The following GPR158 variants were observed in gnomAD, a reference collection of about 807,000 sequenced individuals.
GPR158 encodes the protein metabotropic glycine receptor.
Under a neutral mutation model 78.2 loss-of-function variants are expected in GPR158, and 30 were observed. The ratio of observed to expected loss-of-function variants is 0.38; its 90% confidence interval spans 0.29 to 0.52. The LOEUF (loss-of-function observed/expected upper bound fraction) is 0.52, where lower values mean the gene tolerates loss of function less well. Ranked by LOEUF, GPR158 falls within the 20% of genes least tolerant of loss-of-function variation. The probability of loss-of-function intolerance (pLI) is 0.83; values close to 1 mark genes in which losing one functional copy is unlikely to be tolerated. For synonymous variants in GPR158, 581 were observed against 591.1 expected (o/e 0.98, Z 0.25); for missense variants, 1,463 against 1,523.5 (o/e 0.96, Z 0.66).
chr10:25,418,556 G>C (rs1293825455), intron 4 of GPR158, among the ~76,000 whole-genome samples: 2 of 151,602 alleles, frequency 1.3e-5, no homozygotes, highest in Non-Finnish European at 2.9e-5. Context: ...ATTTTAAAGA[G>C]CCTGAATATT....
chr10:25,376,180 G>A (rs2130558300), intron 2 of GPR158, among the ~76,000 whole-genome samples: 1 of 151,586 alleles, frequency 6.6e-6, no homozygotes, highest in Non-Finnish European at 1.5e-5. Flanking sequence ...ATTATAAATG[G>A]TATTGTGATT....
At chr10:25,516,959 G>A (rs1174822459) in intron 5 of GPR158, among the ~76,000 whole-genome samples, 1 of 148,812 alleles carries the variant, frequency 6.7e-6, no homozygotes, top group Non-Finnish European at 1.5e-5. Flanking sequence ...AATTACCTTG[G>A]GCAGTATGGC....
chr10:25,474,613 T>A (rs1405064208), intron 5 of GPR158, among the ~76,000 whole-genome samples: 1 of 152,172 alleles, frequency 6.6e-6, no homozygotes, highest in Non-Finnish European at 1.5e-5. Flanking sequence ...AAAAGTCTGA[T>A]TATTTGATAA....
intron 1 of GPR158, among the ~76,000 whole-genome samples, chr10:25,188,046 G>A (rs1041132579): frequency 6.6e-6 from 1 of 152,118 alleles, no homozygotes; most frequent in African/African-American, 2.4e-5. Flanking sequence ...GCTTCAAAGA[G>A]AATAAAATAC....
At chr10:25,428,548 T>G (rs998855503) in intron 4 of GPR158, among the ~76,000 whole-genome samples, 1 of 152,074 alleles carries the variant, frequency 6.6e-6, no homozygotes, top group African/African-American at 2.4e-5. Context: ...GCTTGATTAA[T>G]GTCGTAAGCA....
At chr10:25,567,040 G>A (rs1265847408) in intron 6 of GPR158, among the ~76,000 whole-genome samples, 2 of 152,188 alleles carry the variant, frequency 1.3e-5, no homozygotes, top group African/African-American at 4.8e-5. Context: ...AAGATTAATA[G>A]AAATTAGACT....
chr10:25,346,554 A>G (rs1312447641), intron 2 of GPR158, among the ~76,000 whole-genome samples: 1 of 151,986 alleles, frequency 6.6e-6, no homozygotes. Flanking sequence ...TTTCAGGTGC[A>G]TATGTTCCTT....
intron 5 of GPR158, among the ~76,000 whole-genome samples, chr10:25,535,473 G>T (rs1298272698): frequency 6.6e-6 from 1 of 152,186 alleles, no homozygotes; most frequent in Non-Finnish European, 1.5e-5. Flanking sequence ...GGAGGCAAAT[G>T]CTGACAACAG....
chr10:25,574,435 G>C (rs1837059940), intron 7 of GPR158, among the ~76,000 whole-genome samples: 1 of 152,086 alleles, frequency 6.6e-6, no homozygotes, highest in Non-Finnish European at 1.5e-5. Context: ...TTATTAAAAA[G>C]CAAAGTTAGG....
chr10:25,249,894 TTCC>T (rs1853765640), intron 2 of GPR158, among the ~76,000 whole-genome samples: 1 of 136,090 alleles, frequency 7.3e-6, no homozygotes, highest in African/African-American at 2.8e-5. Context: ...ATGGTACCAG[TTCC>T]TCCTTGTACC....
chr10:25,369,050 T>C lies in GPR158; in HGVS notation c.1009-26861T>C, dbSNP rs1301538962. Among the ~76,000 whole-genome samples, 8 of 151,634 alleles carry C rather than the reference T, an allele frequency of 5.3e-5. No individual in the cohort carries two copies. The East Asian group carries it at 1.2e-3, about 22-fold the overall frequency. On this transcript the variant is annotated intron_variant, in intron 2 of 10. Coordinates refer to ENST00000376351, the MANE Select transcript of GPR158 (RefSeq NM_020752.3). ...CCTGAGACTTTGCTGAAGTTGCTTA[T>C]CAGCTTGAGATTTTGGGCTGAGACA...
intron 2 of GPR158, among the ~76,000 whole-genome samples, chr10:25,275,680 T>G (rs948081554): frequency 9.8e-5 from 15 of 152,320 alleles, no homozygotes; most frequent in African/African-American, 3.6e-4. Context: ...GACTTTCATT[T>G]ATATAGCCCT....
intron 2 of GPR158, among the ~76,000 whole-genome samples, chr10:25,378,964 T>G (rs1456511674): frequency 2.0e-5 from 3 of 151,994 alleles, no homozygotes; most frequent in Non-Finnish European, 4.4e-5. Flanking sequence ...TGATTTAAAA[T>G]AAATTTTTCT....
rs573918498 is a variant in GPR158 at position 25,429,955 on chromosome 10, C to G, written c.1335+17482C>G. Among the ~76,000 whole-genome samples, 4 of 136,464 alleles carry G rather than the reference C, an allele frequency of 2.9e-5. No homozygotes were observed. In the East Asian group the frequency reaches 8.0e-4, roughly 27 times the overall value. 89.5% of individuals were successfully genotyped at this position (136,464 alleles called of 152,430 possible). ...ATTCCCTTTGAAAACTGGCACAAGACAGGGATGCCCTCTCTCACCACTCCT... is the reference window on the plus strand; with the variant it reads ...ATTCCCTTTGAAAACTGGCACAAGAGAGGGATGCCCTCTCTCACCACTCCT... On this transcript the variant is annotated intron_variant, in intron 4 of 10. Coordinates refer to ENST00000376351, the MANE Select transcript of GPR158 (RefSeq NM_020752.3).
intron 5 of GPR158, among the ~76,000 whole-genome samples, chr10:25,497,018 G>T (rs73608302): frequency 6.6e-6 from 1 of 152,108 alleles, no homozygotes; most frequent in Admixed American, 6.5e-5. Flanking sequence ...GACAGGTGAC[G>T]GGCCAAGGAG....
At chr10:25,454,721 A>C (rs1835267787) in intron 4 of GPR158, among the ~76,000 whole-genome samples, 2 of 152,138 alleles carry the variant, frequency 1.3e-5, no homozygotes, top group East Asian at 1.9e-4. Context: ...AGTATGTTAA[A>C]CCAAATATAA....
At chr10:25,297,525 T>C (rs1410631821) in intron 2 of GPR158, among the ~76,000 whole-genome samples, 1 of 152,090 alleles carries the variant, frequency 6.6e-6, no homozygotes, top group East Asian at 1.9e-4. Context: ...TTTTTTTACA[T>C]TGTCCTCAGT....
chr10:25,592,634 T>C (rs912267642), intron 8 of GPR158, among the ~76,000 whole-genome samples: 12 of 152,058 alleles, frequency 7.9e-5, no homozygotes, highest in Admixed American at 1.3e-4. Context: ...TTGGTGGTTT[T>C]TTAAAGTTTC....
intron 7 of GPR158, among the ~76,000 whole-genome samples, chr10:25,585,650 G>A (rs774405058): frequency 1.3e-5 from 2 of 152,200 alleles, no homozygotes; most frequent in Non-Finnish European, 2.9e-5. Flanking sequence ...GAGAGCAATA[G>A]TGTGAGCAAG....
Sources: gnomAD v4.1 joint callset for allele counts (sites outside exome capture counted in the v4.1 genomes callset) on GRCh38, gnomAD v4.1.1 for gene constraint, MANE v1.5 for transcripts, NCBI Gene and HGNC (gene_info 2026-07-23, HGNC 2026-07-21) for gene names.